Variants in SHROOM2 observed in about 807,000 individuals in gnomAD.
The protein encoded by SHROOM2 is shroom family member 2.
In SHROOM2, 33 loss-of-function variants were observed where a neutral mutation model predicts 75.9. That is an observed-to-expected ratio of 0.43 (90% CI 0.33 to 0.58). The LOEUF (loss-of-function observed/expected upper bound fraction) is 0.58, where lower values mean the gene tolerates loss of function less well. Ranked by LOEUF, SHROOM2 falls within the 20% of genes least tolerant of loss-of-function variation. The pLI is 0.04. For synonymous variants in SHROOM2, 655 were observed against 663.6 expected, an observed-to-expected ratio of 0.99 and a Z score of 0.20; for missense variants, 1,434 against 1,461.2, an observed-to-expected ratio of 0.98 and a Z score of 0.30.
intron 1 of SHROOM2, among the ~76,000 whole-genome samples, chrX:9,850,937 C>T (rs1479711901): frequency 8.9e-6 from 1 of 111,773 alleles, no homozygotes; most frequent in Non-Finnish European, 1.9e-5. Flanking sequence ...CGGAAGTCAG[C>T]CAGATCCCTT....
At chrX:9,832,095 G>A (rs1335675629) in intron 1 of SHROOM2, among the ~76,000 whole-genome samples, 1 of 112,031 alleles carries the variant, frequency 8.9e-6, no homozygotes, top group Non-Finnish European at 1.9e-5. Flanking sequence ...TAAGGTCTTC[G>A]CACCTTCTTC....
intron 5 of SHROOM2, among the ~76,000 whole-genome samples, chrX:9,929,525 TC>T (rs1280010164): frequency 9.0e-6 from 1 of 111,282 alleles, no homozygotes; most frequent in Non-Finnish European, 1.9e-5. Context: ...GTCCACTTTC[TC>T]AGTGGGTCTC....
intron 1 of SHROOM2, among the ~76,000 whole-genome samples, chrX:9,804,679 G>T (rs1030807049): frequency 1.8e-5 from 2 of 111,350 alleles, no homozygotes; most frequent in African/African-American, 6.5e-5. Flanking sequence ...GGTGGGTGCA[G>T]CTGTCTCCTG....
At chrX:9,857,082 G>T (rs2084075189) in intron 1 of SHROOM2, among the ~76,000 whole-genome samples, 1 of 112,419 alleles carries the variant, frequency 8.9e-6, no homozygotes, top group South Asian at 3.6e-4. Flanking sequence ...CTTGAATGAA[G>T]CCCTGATAGA....
Position 9,842,239 on chromosome X carries a change from TCTTAA to T in SHROOM2, c.166-31409_166-31405del, listed in dbSNP as rs750411576. Reference sequence around the variant, plus strand: ...AAATTTAGAGTTTGGATCATTTTCCTCTTAACTTGTTGTTTTACTTCACGATTGCT... The same window carrying T: ...AAATTTAGAGTTTGGATCATTTTCCTCTTGTTGTTTTACTTCACGATTGCT... On this transcript the variant is annotated intron_variant, in intron 1 of 9. Coordinates refer to ENST00000380913, the MANE Select transcript of SHROOM2 (RefSeq NM_001649.4). Among the ~76,000 whole-genome samples, 849 of 112,643 alleles carry T rather than the reference TCTTAA, an allele frequency of 7.5e-3. 6 individuals are homozygous for T. The highest frequency in any genetic ancestry group is 0.026 in the African/African-American group (816 of 31,020).
At chrX:9,861,585 G>C (rs1215776706) in intron 1 of SHROOM2, among the ~76,000 whole-genome samples, 1 of 112,354 alleles carries the variant, frequency 8.9e-6, no homozygotes, top group African/African-American at 3.2e-5. Context: ...TCCACTGGCA[G>C]TTTGGACATG....
chrX:9,915,159 C>A (rs1432315597), intron 5 of SHROOM2, among the ~76,000 whole-genome samples: 1 of 111,522 alleles, frequency 9.0e-6, no homozygotes, highest in African/African-American at 3.3e-5. Context: ...TTTATGTTTA[C>A]CATTACCTTG....
At chrX:9,802,084 T>C (rs60889148) in intron 1 of SHROOM2, among the ~76,000 whole-genome samples, 11,786 of 110,682 alleles carry the variant, frequency 0.11, 1,431 homozygotes, top group African/African-American at 0.36. Flanking sequence ...GACAGCTCCG[T>C]TTTAGCCTTT....
At chrX:9,884,201 G>A (rs780950100) in intron 2 of SHROOM2, among the ~76,000 whole-genome samples, 3 of 110,082 alleles carry the variant, frequency 2.7e-5, no homozygotes, top group Non-Finnish European at 5.7e-5. Context: ...AGGCCAAGGC[G>A]CCTCCCCTCC....
At chrX:9,873,156 A>G (rs2084180262) in intron 1 of SHROOM2, among the ~76,000 whole-genome samples, 1 of 111,761 alleles carries the variant, frequency 8.9e-6, no homozygotes, top group Admixed American at 9.5e-5. Flanking sequence ...AATGAGCACA[A>G]GGTTTCTTTC....
rs189986533 is a variant in SHROOM2 at position 9,833,859 on chromosome X, C to T, written c.166-39793C>T. On this transcript the variant is annotated intron_variant, in intron 1 of 9. Transcript: ENST00000380913. The stretch of plus-strand genomic sequence containing the variant: ...CACCCCACTGAGATCCGACGGCCTC[C>T]TTCCTGCTGGCCTAGTTCTCCAGCA... Among the ~76,000 whole-genome samples the T allele has an allele frequency of 2.7e-5, 3 of 111,402 alleles. No individual in the cohort carries two copies. The East Asian group carries it at 8.5e-4, about 32-fold the overall frequency.
intron 1 of SHROOM2, among the ~76,000 whole-genome samples, chrX:9,865,936 G>A (rs1161214477): frequency 9.1e-6 from 1 of 110,228 alleles, no homozygotes. Context: ...CCTCTGGGCT[G>A]TGCCTTGGCC....
intron 5 of SHROOM2, among the ~76,000 whole-genome samples, chrX:9,913,501 A>G (rs1340221512): frequency 8.9e-6 from 1 of 112,437 alleles, no homozygotes; most frequent in African/African-American, 3.2e-5. Context: ...AGTTTTGGCT[A>G]TATTTCTAAA....
chrX:9,857,751 C>G (rs1341530606), intron 1 of SHROOM2, among the ~76,000 whole-genome samples: 1 of 110,897 alleles, frequency 9.0e-6, no homozygotes, highest in Non-Finnish European at 1.9e-5. Flanking sequence ...GGAGATTACC[C>G]ACCCCGCCCC....
Position 9,937,316 on chromosome X carries a change from A to G in SHROOM2, c.3770A>G (p.Tyr1257Cys). ...ACGCTGAGCACATCTGAGCAGTTCT[A>G]CTCGCGCTTCTGTCTGTACACGCGG... ...IKTLSTSEQF[Y>C]SRFCLYTRQG... Residue 1257 changes from tyrosine to cysteine, a missense_variant, in exon 7 of 10, where the codon TAC becomes TGC. This residue lies in a region of SHROOM2 where 1,340 missense variants were observed against 1,338.3 expected (regional missense o/e 1.00). Transcript: ENST00000380913. 8.3e-7 allele frequency: 1 copy of G among 1,207,508 alleles called. No individual in the cohort carries two copies. Among genetic ancestry groups the G allele is most frequent in the African/African-American group, 1.7e-5 (1 of 57,489 alleles).
intron 5 of SHROOM2, among the ~76,000 whole-genome samples, chrX:9,911,550 C>A (rs1307845553): frequency 9.0e-6 from 1 of 111,052 alleles, no homozygotes; most frequent in Admixed American, 9.6e-5. Flanking sequence ...GGCTGTGAGG[C>A]GCAGTGGCTG....
chrX:9,944,793 C>T lies in SHROOM2; in HGVS notation c.4464C>T (p.Phe1488=), dbSNP rs143951833. The change falls in exon 9 of 10, where the codon TTC becomes TTT. Residue 1488 remains phenylalanine (F), a synonymous_variant. Transcript: ENST00000380913. ...GCAAGCCCAGCGAGTTTGACAAGTT[C>T]CGGATGTTCATTGGAGACCTGGACA... ...GVCKPSEFDK[F]RMFIGDLDKV... 6.6e-4 allele frequency: 795 copies of T among 1,211,250 alleles called. 1 individual carries two copies. The highest frequency in any genetic ancestry group is 8.4e-4 in the Non-Finnish European group (749 of 895,484).
intron 1 of SHROOM2, among the ~76,000 whole-genome samples, chrX:9,815,201 T>G (rs1231863533): frequency 9.0e-6 from 1 of 111,542 alleles, no homozygotes. Context: ...TGCATTTATT[T>G]TGCATAACTC....
chrX:9,789,096 C>T (rs1338915419), intron 1 of SHROOM2, among the ~76,000 whole-genome samples: 1 of 111,622 alleles, frequency 9.0e-6, no homozygotes, highest in Admixed American at 9.6e-5. Context: ...CACGCGTTGG[C>T]CCTGAGAATA....
Sources: allele counts gnomAD v4.1 joint callset (sites outside exome capture counted in the v4.1 genomes callset), GRCh38; gene constraint gnomAD v4.1.1; regional missense constraint gnomAD v4.1.1; transcripts MANE v1.5; gene names NCBI Gene and HGNC (gene_info 2026-07-23, HGNC 2026-07-21).